CYFIP2: variants seen among roughly 807,000 people sequenced by gnomAD.
CYFIP2 encodes cytoplasmic FMR1-interacting protein 2.
Under a neutral mutation model 158.7 loss-of-function variants are expected in CYFIP2, and 29 were observed. The observed-to-expected ratio is 0.18, with a 90% CI of 0.14 to 0.25. The LOEUF (loss-of-function observed/expected upper bound fraction) is 0.25, where lower values mean the gene tolerates loss of function less well. CYFIP2 is among the 10% of genes least tolerant of loss of function. The pLI, the probability that CYFIP2 is intolerant of heterozygous loss-of-function variation, is 1.00. For synonymous variants in CYFIP2, 585 were observed against 617.6 expected (o/e 0.95, Z 0.78); for missense variants, 852 against 1,639.5 (o/e 0.52, Z 8.29).
In CYFIP2 at chr5:157,304,311, A is replaced by T; in HGVS notation, c.740A>T (p.Asp247Val). 6.2e-7 allele frequency: 1 copy of T among 1,614,000 alleles called. No individual in the cohort carries two copies. The highest frequency in any genetic ancestry group is 8.5e-7 in the Non-Finnish European group (1 of 1,179,888). The change falls in exon 8 of 31, where the codon GAT (aspartate) becomes GTT (valine). Residue 247 changes from aspartate to valine, a missense_variant. Transcript: ENST00000620254. ...LLADIVNICV[D>V]YYENKMYLTP... Reference sequence around the variant, plus strand: ...GCTGACATTGTCAACATCTGTGTGGATTACTACGAGAACAAGATGTACCTG... The same window carrying T: ...GCTGACATTGTCAACATCTGTGTGGTTTACTACGAGAACAAGATGTACCTG...
chr5:157,372,942 T>C (rs971407721), intron 26 of CYFIP2, among the ~76,000 whole-genome samples: 1 of 152,148 alleles, frequency 6.6e-6, no homozygotes, highest in African/African-American at 2.4e-5. Flanking sequence ...CTTCTCCCTA[T>C]GCTCTGTTTA....
chr5:157,294,716 TG>T (rs1561698998), intron 3 of CYFIP2, 66 bp from the exon 4 acceptor site: 1 of 1,352,304 alleles, frequency 7.4e-7, no homozygotes, highest in African/African-American at 1.4e-5. Flanking sequence ...AGTGAGGATC[TG>T]GGGGCTTTTG....
In CYFIP2 at chr5:157,272,729, G is replaced by A. The variant is rs541322248; in HGVS notation, c.-24+6534G>A. Among the ~76,000 whole-genome samples the A allele has an allele frequency of 1.1e-3, 161 of 152,180 alleles. 1 individual carries two copies. Among genetic ancestry groups the A allele is most frequent in the African/African-American group, 3.5e-3 (147 of 41,504 alleles). Reference sequence around the variant, plus strand: ...AGAGCTCTATTTTAACCTAAATCAGGTTTAAAGTGTCTACATTATTAATAT... The same window carrying A: ...AGAGCTCTATTTTAACCTAAATCAGATTTAAAGTGTCTACATTATTAATAT... On this transcript the variant is annotated intron_variant, in intron 1 of 30. Transcript: ENST00000620254.
chr5:157,376,023 ACTC>A (rs1765441551), intron 26 of CYFIP2: 1 of 152,006 alleles, frequency 6.6e-6, no homozygotes, highest in Admixed American at 6.6e-5. Flanking sequence ...AGGATGCCCC[ACTC>A]CTTTCATATC....
intron 3 of CYFIP2, chr5:157,288,638 C>T (rs1244126745): frequency 2.2e-6 from 1 of 456,174 alleles, no homozygotes; most frequent in Non-Finnish European, 4.4e-6. Context: ...GTCTCATTTG[C>T]TCCTGACATC....
intron 8 of CYFIP2, among the ~76,000 whole-genome samples, chr5:157,306,574 T>C (rs867273903): frequency 2.0e-5 from 3 of 152,138 alleles, no homozygotes; most frequent in Non-Finnish European, 4.4e-5. Context: ...CAGAAAACGA[T>C]GAAGTTCATT....
At chr5:157,370,870 T>C (rs1764932096) in intron 26 of CYFIP2, among the ~76,000 whole-genome samples, 1 of 152,102 alleles carries the variant, frequency 6.6e-6, no homozygotes, top group Admixed American at 6.5e-5. Context: ...GAGGAAGGGG[T>C]TGGAAGTGAA....
chr5:157,306,168 C>T (rs1239694002), intron 8 of CYFIP2, among the ~76,000 whole-genome samples: 2 of 152,198 alleles, frequency 1.3e-5, no homozygotes, highest in Non-Finnish European at 2.9e-5. Context: ...TCCTGCTATT[C>T]TGAGAATCCC....
In CYFIP2 at chr5:157,393,644, G is replaced by A. The variant is rs1359659046; in HGVS notation, c.*644G>A. The A allele has an allele frequency of 6.6e-6, 1 of 152,338 alleles. No homozygotes were observed. The highest frequency in any genetic ancestry group is 1.5e-5 in the Non-Finnish European group (1 of 68,182). The allele number at this position is 152,338 out of a possible 1,614,324, so 9.4% of individuals were successfully genotyped here. On this transcript the variant is annotated 3_prime_UTR_variant, in exon 31 of 31. Transcript: ENST00000620254. ...CACAGCTGTATCACACTCTATGCAG[G>A]TGGGGTAGGAGACTGATCAGGCCTG... is the stretch of plus-strand genomic sequence containing the variant.
At chr5:157,371,106 T>C (rs6861675) in intron 26 of CYFIP2, among the ~76,000 whole-genome samples, 4,082 of 152,270 alleles carry the variant, frequency 0.027, 191 homozygotes, top group African/African-American at 0.095. Flanking sequence ...GTACATTCTG[T>C]GCAAGGGGAG....
chr5:157,310,402 C>T (rs558611541), intron 10 of CYFIP2, among the ~76,000 whole-genome samples: 1 of 152,108 alleles, frequency 6.6e-6, no homozygotes, highest in Non-Finnish European at 1.5e-5. Context: ...GCTTCTCGCC[C>T]GAAGTTATGG....
intron 1 of CYFIP2, among the ~76,000 whole-genome samples, chr5:157,277,397 T>C (rs1045650561): frequency 6.6e-6 from 1 of 152,124 alleles, no homozygotes; most frequent in African/African-American, 2.4e-5. Context: ...ATCTGTGTTA[T>C]TAATAGTGAA....
At chr5:157,335,534 C>G (rs1761788213) in intron 21 of CYFIP2, among the ~76,000 whole-genome samples, 1 of 152,120 alleles carries the variant, frequency 6.6e-6, no homozygotes, top group African/African-American at 2.4e-5. Flanking sequence ...CCTTGGCCTC[C>G]CAAGAGTCTT....
At chr5:157,268,515 G>A (rs1482219537) in intron 1 of CYFIP2, among the ~76,000 whole-genome samples, 5 of 152,116 alleles carry the variant, frequency 3.3e-5, no homozygotes, top group Non-Finnish European at 5.9e-5. Context: ...ATGATGAATC[G>A]GCTACAAGCT....
chr5:157,392,803 C>T (rs1767444048), intron 30 of CYFIP2, 30 bp from the exon 31 acceptor site: 6 of 1,611,042 alleles, frequency 3.7e-6, no homozygotes, highest in Non-Finnish European at 4.2e-6. Flanking sequence ...TTTGTCCTGC[C>T]CTAACTTGAA....
At position 157,390,510 on chromosome 5, in the gene CYFIP2, C is replaced by G. The variant is rs370161696; in HGVS notation, c.3447-11C>G. 3.2e-6 allele frequency: 5 copies of G among 1,549,172 alleles called. No individual in the cohort carries two copies. In the African/African-American group the frequency reaches 6.9e-5, roughly 21 times the overall value. Reference sequence around the variant, plus strand: ...CCTCTCACTCCAGCTGCTTCCTCCCCCTGCTCCCAGGCAGTGTTTCGGCGA... The same window carrying G: ...CCTCTCACTCCAGCTGCTTCCTCCCGCTGCTCCCAGGCAGTGTTTCGGCGA... On this transcript the variant is annotated splice_polypyrimidine_tract_variant and intron_variant, in intron 29 of 30. Transcript: ENST00000620254.
intron 28 of CYFIP2, among the ~76,000 whole-genome samples, chr5:157,385,166 C>T (rs1766548418): frequency 6.6e-6 from 1 of 152,194 alleles, no homozygotes; most frequent in Non-Finnish European, 1.5e-5. Context: ...TCCCGCCTCT[C>T]ACTCCGAAGT....
Position 157,373,446 on chromosome 5 carries a change from G to A in CYFIP2, c.3040-9144G>A, listed in dbSNP as rs184379675. Among the ~76,000 whole-genome samples, 5 of 152,228 alleles carry A rather than the reference G, an allele frequency of 3.3e-5. No individual in the cohort carries two copies. The East Asian group carries it at 7.7e-4, about 23-fold the overall frequency. ...GTGTCTGAAATTCTATTAGAGACTC[G>A]CTCCATGGGTTTGGAATGTTATCTG... is the stretch of plus-strand genomic sequence containing the variant. On this transcript the variant is annotated intron_variant, in intron 26 of 30. Coordinates refer to ENST00000620254, the MANE Select transcript of CYFIP2 (RefSeq NM_001037333.3).
At chr5:157,386,322 A>G (rs962042415) in intron 28 of CYFIP2, among the ~76,000 whole-genome samples, 7 of 152,092 alleles carry the variant, frequency 4.6e-5, no homozygotes, top group African/African-American at 1.2e-4. Flanking sequence ...GGCTCAAGCA[A>G]TCTTCCTGCC....
Sources: gnomAD v4.1 joint callset for allele counts (sites outside exome capture counted in the v4.1 genomes callset) on GRCh38, gnomAD v4.1.1 for gene constraint, MANE v1.5 for transcripts, NCBI Gene and HGNC (gene_info 2026-07-23, HGNC 2026-07-21) for gene names.